FAT2: variants seen among roughly 807,000 people sequenced by gnomAD.
FAT2 encodes FAT atypical cadherin 2, also known as protocadherin Fat 2.
A neutral mutation model predicts 295.3 loss-of-function variants in FAT2; 150 were observed. The ratio of observed to expected loss-of-function variants is 0.51; its 90% CI spans 0.44 to 0.58. The LOEUF (loss-of-function observed/expected upper bound fraction) is 0.58. Ranked by LOEUF, FAT2 falls within the 20% of genes least tolerant of loss-of-function variation. The pLI, the probability that FAT2 is intolerant of heterozygous loss-of-function variation, is 0.00. For missense variants in FAT2, 4,868 were observed against 5,442.7 expected (o/e 0.89, Z 3.32); for synonymous variants, 2,026 against 2,150.3 (o/e 0.94, Z 1.60).
At chr5:151,569,957 AC>A (rs1441317207) in intron 1 of FAT2, among the ~76,000 whole-genome samples, 1 of 152,230 alleles carries the variant, frequency 6.6e-6, no homozygotes, top group Non-Finnish European at 1.5e-5. Flanking sequence ...AAGTTATTTA[AC>A]CTCATGAGCC....
At chr5:151,528,547 C>T (rs759056676) in intron 15 of FAT2, among the ~76,000 whole-genome samples, 11 of 152,184 alleles carry the variant, frequency 7.2e-5, no homozygotes, top group Admixed American at 3.3e-4. Context: ...GAGGTTCTTT[C>T]GGGGCTGGAG....
At position 151,508,463 on chromosome 5, in the gene FAT2, A is replaced by T. The variant is rs540569935; in HGVS notation, c.12060-852T>A. Among the ~76,000 whole-genome samples the T allele has an allele frequency of 3.9e-5, 6 of 152,264 alleles. No homozygotes were observed. In the South Asian group the frequency reaches 1.2e-3, roughly 32 times the overall value. On this transcript the variant is annotated intron_variant, in intron 22 of 23. Coordinates refer to ENST00000261800, the MANE Select transcript of FAT2 (RefSeq NM_001447.3). ...AGTGGCTCATGCCTGTAATCCCAGCACTTTGGGCAGCCGAGTCAGCGGGAT... is the reference window on the plus strand; with the variant it reads ...AGTGGCTCATGCCTGTAATCCCAGCTCTTTGGGCAGCCGAGTCAGCGGGAT...
Position 151,505,217 on chromosome 5 carries a change from A to T in FAT2, c.*348T>A. ...TGCATCTTGGTGAAGTTGAGCCAGC[A>T]CAGTCAATCAGGCTCTGCCCCGGGG... On this transcript the variant is annotated 3_prime_UTR_variant, in exon 24 of 24. Transcript: ENST00000261800. 1 of 382,488 alleles carries T rather than the reference A, an allele frequency of 2.6e-6. No individual in the cohort carries two copies. Among genetic ancestry groups the T allele is most frequent in the East Asian group, 6.1e-5 (1 of 16,278 alleles). The allele number at this position is 382,488 out of a possible 1,614,324, so 23.7% of individuals were successfully genotyped here.
intron 21 of FAT2, 28 bp from the exon 22 acceptor site, chr5:151,510,202 A>T: frequency 6.2e-7 from 1 of 1,612,814 alleles, no homozygotes; most frequent in Non-Finnish European, 8.5e-7. Context: ...GAGGTGAGAG[A>T]CCGCACTGGC....
chr5:151,542,987 T>C lies in FAT2; in HGVS notation c.8140A>G (p.Lys2714Glu). 8 of 1,614,190 alleles carry C rather than the reference T, an allele frequency of 5.0e-6. No individual in the cohort carries two copies. The highest frequency in any genetic ancestry group is 6.8e-6 in the Non-Finnish European group (8 of 1,180,032). Residue 2714 changes from lysine (K) to glutamate (E), a missense_variant, in exon 10 of 24, where the codon AAA (lysine) becomes GAA (glutamate). Lys to Glu is a moderately conservative substitution (Grantham distance 56). Around this residue, in one of 5 missense-constraint regions of FAT2, gnomAD observed 3,297 missense variants for 3,669.4 expected, o/e 0.90. Transcript: ENST00000261800. ...ACTGGATCTTGAGCTGCCACTGCTT[T>C]AACAATCCCAATTTCAGACCCCTCT... ...LPEGSEIGIV[K>E]AVAAQDPVIY... is the part of the protein sequence containing the mutation.
chr5:151,574,292 G>A (rs943254087), intron 1 of FAT2, among the ~76,000 whole-genome samples: 1 of 152,138 alleles, frequency 6.6e-6, no homozygotes, highest in Non-Finnish European at 1.5e-5. Context: ...TGCATATAGA[G>A]GGAAGGACTG....
At chr5:151,578,374 C>G (rs1310849769) in intron 1 of FAT2, among the ~76,000 whole-genome samples, 1 of 152,210 alleles carries the variant, frequency 6.6e-6, no homozygotes, top group Non-Finnish European at 1.5e-5. Context: ...AACTTGATCT[C>G]TGAGCCTATG....
chr5:151,549,538 G>A (rs1360403268), intron 8 of FAT2, 33 bp from the exon 9 acceptor site: 1 of 1,597,326 alleles, frequency 6.3e-7, no homozygotes, highest in African/African-American at 1.3e-5. Context: ...TGGGTAAGCA[G>A]CAAATGGAAT....
Position 151,545,524 on chromosome 5 carries a change from G to A in FAT2, c.5603C>T (p.Ser1868Phe), listed in dbSNP as rs781697994. Residue 1868 changes from serine to phenylalanine, a missense_variant, in exon 10 of 24, where the codon TCC (serine) becomes TTC (phenylalanine). Coordinates refer to ENST00000261800, the MANE Select transcript of FAT2 (RefSeq NM_001447.3). ...VIIHVRDVND[S>F]PPRFSEQIYE... is the part of the protein sequence containing the mutation. ...TATCTGTTCTGAGAATCTGGGAGGG[G>A]AATCATTCACATCTCTGACATGAAT... The A allele has an allele frequency of 6.2e-7, 1 of 1,614,164 alleles. No individual in the cohort carries two copies. The highest frequency in any genetic ancestry group is 8.5e-7 in the Non-Finnish European group (1 of 1,180,016).
chr5:151,582,444 G>A (rs1758996921), intron 1 of FAT2, among the ~76,000 whole-genome samples: 1 of 152,154 alleles, frequency 6.6e-6, no homozygotes, highest in Non-Finnish European at 1.5e-5. Context: ...GGGGGTGAGG[G>A]TTAAAAATAT....
intron 16 of FAT2, among the ~76,000 whole-genome samples, chr5:151,527,774 C>A (rs1262362412): frequency 6.6e-6 from 1 of 152,164 alleles, no homozygotes; most frequent in African/African-American, 2.4e-5. Flanking sequence ...TGAGAAGCCA[C>A]CTGAGGTCCT....
At chr5:151,569,128 G>A (rs758199433) in intron 1 of FAT2, among the ~76,000 whole-genome samples, 177 bp from the exon 2 acceptor site, 62 of 152,120 alleles carry the variant, frequency 4.1e-4, no homozygotes, top group Non-Finnish European at 8.1e-4. Flanking sequence ...GGTAGAGGCT[G>A]GGGATACTGC....
At chr5:151,539,767 C>T (rs1755910090) in intron 11 of FAT2, among the ~76,000 whole-genome samples, 1 of 152,160 alleles carries the variant, frequency 6.6e-6, no homozygotes, top group South Asian at 2.1e-4. Flanking sequence ...TGGTTTATGC[C>T]TCTAGGAACA....
Position 151,528,052 on chromosome 5 carries a change from T to C in FAT2, c.10108A>G (p.Thr3370Ala). Residue 3370 changes from threonine to alanine, a missense_variant, in exon 16 of 24, where the codon ACC becomes GCC. Thr to Ala is a moderately conservative substitution (Grantham distance 58). This residue lies in a region of FAT2 where 1,046 missense variants were observed against 1,210.1 expected (regional missense o/e 0.86). Coordinates refer to ENST00000261800, the MANE Select transcript of FAT2 (RefSeq NM_001447.3). ...AGCTCCCCCTTTTTGGGGTGAATGG[T>C]GAAGTGCCCAAGCTGGTTCCCTCCT... ...LIGGNQLGHF[T>A]IHPKKGELQV... 1 of 1,614,166 alleles carries C rather than the reference T, an allele frequency of 6.2e-7. No homozygotes were observed. The highest frequency in any genetic ancestry group is 8.5e-7 in the Non-Finnish European group (1 of 1,180,030).
intron 20 of FAT2, among the ~76,000 whole-genome samples, chr5:151,514,529 G>A (rs765891456): frequency 1.9e-3 from 295 of 152,350 alleles, no homozygotes; most frequent in Non-Finnish European, 3.4e-3. Flanking sequence ...CATGGCTGGA[G>A]AAAAACGTGC....
In FAT2 at chr5:151,567,942, G is replaced by T. The variant is rs1758356277; in HGVS notation, c.990C>A (p.Asn330Lys). The stretch of plus-strand genomic sequence containing the variant: ...TCCCACTCCTGGCCTGGAGGCTGAG[G>T]TTGAACCCATGAAGGTACTCCATCC... ...INWMEYLHGF[N>K]LSLQARSGSG... Residue 330 changes from asparagine (N) to lysine (K), a missense_variant, in exon 2 of 24, where the codon AAC becomes AAA. Asn to Lys is a moderately conservative substitution (Grantham distance 94). Around this residue, in one of 5 missense-constraint regions of FAT2, gnomAD observed 3,297 missense variants for 3,669.4 expected, o/e 0.90. Coordinates refer to ENST00000261800, the MANE Select transcript of FAT2 (RefSeq NM_001447.3). The T allele has an allele frequency of 6.2e-7, 1 of 1,614,082 alleles. No individual in the cohort carries two copies. Among genetic ancestry groups the T allele is most frequent in the African/African-American group, 1.3e-5 (1 of 74,918 alleles).
chr5:151,548,231 G>A (rs1241208078), intron 9 of FAT2, among the ~76,000 whole-genome samples: 1 of 151,964 alleles, frequency 6.6e-6, no homozygotes, highest in Non-Finnish European at 1.5e-5. Flanking sequence ...GGTCTTGTGA[G>A]GGCAGACAGC....
At chr5:151,550,912 A>T in intron 7 of FAT2, 41 bp from the exon 8 acceptor site, 1 of 1,592,088 alleles carries the variant, frequency 6.3e-7, no homozygotes, top group South Asian at 1.1e-5. Flanking sequence ...TGCAAGCCCC[A>T]GGGGAACAGG....
intron 19 of FAT2, among the ~76,000 whole-genome samples, chr5:151,518,232 A>G (rs1264190204): frequency 6.6e-6 from 1 of 151,924 alleles, no homozygotes; most frequent in African/African-American, 2.4e-5. Flanking sequence ...AGTTACTTGG[A>G]ATTACATCCT....
Sources: allele counts gnomAD v4.1 joint callset (sites outside exome capture counted in the v4.1 genomes callset), GRCh38; gene constraint gnomAD v4.1.1; regional missense constraint gnomAD v4.1.1; transcripts MANE v1.5; gene names NCBI Gene and HGNC (gene_info 2026-07-23, HGNC 2026-07-21).